CDKAL1: variants seen among roughly 807,000 people sequenced by gnomAD.
The protein encoded by CDKAL1 is CDKAL1 threonylcarbamoyladenosine tRNA methylthiotransferase, also known as threonylcarbamoyladenosine tRNA methylthiotransferase.
Under a neutral mutation model 68.2 loss-of-function variants are expected in CDKAL1, and 32 were observed. That is an observed-to-expected ratio of 0.47 (90% CI 0.35 to 0.63). CDKAL1 has a LOEUF of 0.63. CDKAL1 is among the 30% of genes least tolerant of loss of function. CDKAL1 has a pLI of 0.00. For synonymous variants in CDKAL1, 234 were observed against 244.3 expected (o/e 0.96, Z 0.39); for missense variants, 606 against 696.7 (o/e 0.87, Z 1.47).
At chr6:21,008,135 A>C (rs540283089) in intron 11 of CDKAL1, among the ~76,000 whole-genome samples, 1 of 152,324 alleles carries the variant, frequency 6.6e-6, no homozygotes, top group South Asian at 2.1e-4. Context: ...GATGTTAGAC[A>C]TGCTGAATTT....
intron 5 of CDKAL1, among the ~76,000 whole-genome samples, chr6:20,692,719 T>C (rs1770923660): frequency 6.6e-6 from 1 of 150,652 alleles, no homozygotes; most frequent in Admixed American, 6.6e-5. Flanking sequence ...AATATTTTTC[T>C]TTATCAGCCC....
chr6:20,711,459 G>A (rs1771842824), intron 5 of CDKAL1, among the ~76,000 whole-genome samples: 3 of 152,164 alleles, frequency 2.0e-5, no homozygotes, highest in Non-Finnish European at 4.4e-5. Flanking sequence ...TCCTGGCTCA[G>A]CTAGTTTAGA....
At chr6:20,654,246 G>C (rs200285576) in intron 5 of CDKAL1, among the ~76,000 whole-genome samples, 2 of 150,910 alleles carry the variant, frequency 1.3e-5, no homozygotes, top group Non-Finnish European at 2.9e-5. Context: ...TTGGCTATTT[G>C]GATTTTACTT....
At chr6:20,896,768 G>A (rs1761711130) in intron 9 of CDKAL1, among the ~76,000 whole-genome samples, 1 of 151,978 alleles carries the variant, frequency 6.6e-6, no homozygotes, top group Non-Finnish European at 1.5e-5. Flanking sequence ...AGTTGGGGGT[G>A]GAAGGTAGGA....
At chr6:20,884,823 G>T (rs1581761526) in intron 9 of CDKAL1, among the ~76,000 whole-genome samples, 1 of 152,088 alleles carries the variant, frequency 6.6e-6, no homozygotes, top group Admixed American at 6.6e-5. Flanking sequence ...TGAAAAATTT[G>T]TACACTAAAA....
chr6:21,011,704 C>T (rs1015910033), intron 11 of CDKAL1, among the ~76,000 whole-genome samples: 1 of 152,056 alleles, frequency 6.6e-6, no homozygotes, highest in Non-Finnish European at 1.5e-5. Flanking sequence ...TTACTATAGG[C>T]TTTTTATGGA....
At chr6:21,120,128 A>C (rs1774632771) in intron 13 of CDKAL1, among the ~76,000 whole-genome samples, 1 of 152,200 alleles carries the variant, frequency 6.6e-6, no homozygotes, top group African/African-American at 2.4e-5. Flanking sequence ...ATTCACTTCC[A>C]TTTAACAAAC....
chr6:20,961,870 A>G (rs1193536448), intron 10 of CDKAL1, among the ~76,000 whole-genome samples: 1 of 152,208 alleles, frequency 6.6e-6, no homozygotes, highest in Non-Finnish European at 1.5e-5. Flanking sequence ...TCATAAGTTT[A>G]CATGTATAAC....
chr6:20,613,614 T>C (rs1766750888), intron 4 of CDKAL1, among the ~76,000 whole-genome samples: 1 of 149,602 alleles, frequency 6.7e-6, no homozygotes, highest in Admixed American at 6.7e-5. Flanking sequence ...AGTAGTAGTA[T>C]ATTCCATTTT....
At chr6:20,658,071 G>C (rs539443295) in intron 5 of CDKAL1, among the ~76,000 whole-genome samples, 1 of 152,286 alleles carries the variant, frequency 6.6e-6, no homozygotes, top group South Asian at 2.1e-4. Flanking sequence ...CTTAATGATA[G>C]TATCAAATCA....
At chr6:21,151,668 A>G (rs1164158983) in intron 13 of CDKAL1, among the ~76,000 whole-genome samples, 2 of 152,206 alleles carry the variant, frequency 1.3e-5, no homozygotes, top group Non-Finnish European at 2.9e-5. Context: ...ATTATGGAAC[A>G]TTTGCCCTTA....
intron 11 of CDKAL1, among the ~76,000 whole-genome samples, chr6:21,010,112 A>C (rs1414691471): frequency 1.3e-5 from 2 of 152,360 alleles, no homozygotes; most frequent in East Asian, 3.9e-4. Flanking sequence ...TTCCATAAAT[A>C]TGCATAGTAT....
intron 11 of CDKAL1, among the ~76,000 whole-genome samples, chr6:21,036,147 T>G (rs1769585909): frequency 6.6e-6 from 1 of 152,204 alleles, no homozygotes; most frequent in Admixed American, 6.5e-5. Flanking sequence ...TAAAGCAGCT[T>G]GACATTACTT....
intron 10 of CDKAL1, among the ~76,000 whole-genome samples, chr6:20,985,813 A>G (rs563243172): frequency 6.6e-6 from 1 of 152,220 alleles, no homozygotes; most frequent in East Asian, 1.9e-4. Context: ...AAAAAAAAAA[A>G]ACAACTTTTA....
chr6:21,192,037 C>T (rs1778270374), intron 13 of CDKAL1, among the ~76,000 whole-genome samples: 1 of 41,372 alleles, frequency 2.4e-5, no homozygotes, highest in Non-Finnish European at 4.4e-5. Context: ...TTTTTTGAGA[C>T]GGAGTCTCGC....
chr6:20,808,143 A>G (rs1172878939), intron 8 of CDKAL1, among the ~76,000 whole-genome samples: 1 of 152,262 alleles, frequency 6.6e-6, no homozygotes, highest in African/African-American at 2.4e-5. Flanking sequence ...ATATTAGCAG[A>G]TTAAAATTTG....
rs902142777 is a variant in CDKAL1, at chr6:20,785,783, T to G, written c.638+4518T>G. The stretch of plus-strand genomic sequence containing the variant: ...CCACATTAAATATGTAGATTTCACT[T>G]TCCATAAATTTTTCATTTTTCGTTT... On this transcript the variant is annotated intron_variant, in intron 8 of 15. Coordinates refer to ENST00000274695, the MANE Select transcript of CDKAL1 (RefSeq NM_017774.3). Among the ~76,000 whole-genome samples, 52 of 152,232 alleles carry G rather than the reference T, an allele frequency of 3.4e-4. 1 individual carries two copies. The highest frequency in any genetic ancestry group is 3.1e-4 in the Non-Finnish European group (21 of 68,040).
At chr6:20,704,815 T>C (rs1205754962) in intron 5 of CDKAL1, among the ~76,000 whole-genome samples, 1 of 152,214 alleles carries the variant, frequency 6.6e-6, no homozygotes, top group East Asian at 1.9e-4. Context: ...CTAGATGGTA[T>C]AGTCCAGTGC....
intron 5 of CDKAL1, among the ~76,000 whole-genome samples, chr6:20,732,837 A>G (rs73379338): frequency 0.073 from 11,081 of 152,056 alleles, 667 homozygotes; most frequent in African/African-American, 0.17. Flanking sequence ...AACTTTTTGT[A>G]TGTGTCTCAT....
Sources: allele counts gnomAD v4.1 joint callset (sites outside exome capture counted in the v4.1 genomes callset), GRCh38; gene constraint gnomAD v4.1.1; transcripts MANE v1.5; gene names NCBI Gene and HGNC (gene_info 2026-07-23, HGNC 2026-07-21).